LPP: variants seen among roughly 807,000 people sequenced by gnomAD.
LPP encodes lipoma-preferred partner.
Under a neutral mutation model 60.4 loss-of-function variants are expected in LPP, and 38 were observed. That is an observed-to-expected ratio of 0.63 (90% CI 0.49 to 0.83). The LOEUF (loss-of-function observed/expected upper bound fraction) is 0.83, where lower values mean the gene tolerates loss of function less well. Ranked by LOEUF, LPP falls within the 40% of genes least tolerant of loss-of-function variation. The pLI, the probability that LPP is intolerant of heterozygous loss-of-function variation, is 0.00. For synonymous variants in LPP, 328 were observed against 290.8 expected, an observed-to-expected ratio of 1.13 and a Z score of -1.30; for missense variants, 902 against 783.6, an observed-to-expected ratio of 1.15 and a Z score of -1.80.
At chr3:188,622,971 T>G (rs1013037788) in intron 7 of LPP, among the ~76,000 whole-genome samples, 7 of 145,176 alleles carry the variant, frequency 4.8e-5, no homozygotes, top group African/African-American at 1.8e-4. Flanking sequence ...GAGGCTGCAG[T>G]AAGCCCAGAT....
intron 3 of LPP, among the ~76,000 whole-genome samples, chr3:188,397,105 C>A (rs1313690318): frequency 6.6e-6 from 1 of 152,092 alleles, no homozygotes; most frequent in East Asian, 1.9e-4. Context: ...TACTTCTGTG[C>A]CCTATTCCAT....
At chr3:188,438,859 G>C (rs1793036280) in intron 4 of LPP, among the ~76,000 whole-genome samples, 1 of 151,984 alleles carries the variant, frequency 6.6e-6, no homozygotes, top group African/African-American at 2.4e-5. Flanking sequence ...GTACATAGCA[G>C]GTTCCCATTA....
intron 7 of LPP, among the ~76,000 whole-genome samples, chr3:188,678,289 C>G (rs1439998035): frequency 1.3e-5 from 2 of 152,234 alleles, no homozygotes; most frequent in Non-Finnish European, 2.9e-5. Context: ...AAGTCTTCTT[C>G]TGTTGCGGGA....
At chr3:188,394,795 T>C (rs1409975950) in intron 3 of LPP, among the ~76,000 whole-genome samples, 1 of 152,206 alleles carries the variant, frequency 6.6e-6, no homozygotes, top group Non-Finnish European at 1.5e-5. Flanking sequence ...TGTGTTGCCA[T>C]TGGTTAATGC....
At position 188,203,421 on chromosome 3, in the gene LPP, A is replaced by ATAAATATAAATATATATATATT. The variant is rs1560106883; in HGVS notation, c.-189-21982_-189-21981insAATATAAATATATATATATTTA. ...ATATATTTTTATAAATATATATATA[A>ATAAATATAAATATATATATATT]TATAAATATAAATATATATTTATAT... is the stretch of plus-strand genomic sequence containing the variant. On this transcript the variant is annotated intron_variant, in intron 1 of 11. Transcript: ENST00000617246. 9.1e-4 allele frequency among the ~76,000 whole-genome samples: 31 copies of ATAAATATAAATATATATATATT among 34,046 alleles called. No individual in the cohort carries two copies. The East Asian group carries it at 0.037, about 41-fold the overall frequency. 22.3% of individuals were successfully genotyped at this position (34,046 alleles called of 152,430 possible).
chr3:188,737,539 T>C (rs188740064), intron 8 of LPP, among the ~76,000 whole-genome samples: 2 of 152,186 alleles, frequency 1.3e-5, no homozygotes, highest in Non-Finnish European at 2.9e-5. Context: ...GGAAGAGAGC[T>C]AAGAAACTTC....
intron 2 of LPP, among the ~76,000 whole-genome samples, chr3:188,256,412 T>C (rs1280311216): frequency 6.6e-6 from 1 of 152,212 alleles, no homozygotes; most frequent in African/African-American, 2.4e-5. Context: ...GTTATAGAAC[T>C]AGATTATACA....
At chr3:188,740,540 A>G (rs1272266355) in intron 8 of LPP, among the ~76,000 whole-genome samples, 1 of 152,054 alleles carries the variant, frequency 6.6e-6, no homozygotes, top group Non-Finnish European at 1.5e-5. Context: ...ACATTCTTTT[A>G]TAAGAAGTGC....
At chr3:188,668,412 C>A (rs74373357) in intron 7 of LPP, among the ~76,000 whole-genome samples, 1 of 152,064 alleles carries the variant, frequency 6.6e-6, no homozygotes, top group Non-Finnish European at 1.5e-5. Flanking sequence ...AGTTCTAAAC[C>A]GCTCTCTGGA....
At chr3:188,810,995 A>G (rs986144494) in intron 9 of LPP, among the ~76,000 whole-genome samples, 1 of 152,160 alleles carries the variant, frequency 6.6e-6, no homozygotes, top group Admixed American at 6.5e-5. Context: ...TTTGGTGTAC[A>G]TATATAAAAT....
At chr3:188,794,395 A>G (rs1052439758) in intron 9 of LPP, among the ~76,000 whole-genome samples, 2 of 152,222 alleles carry the variant, frequency 1.3e-5, no homozygotes, top group African/African-American at 4.8e-5. Flanking sequence ...TCACCAGCAT[A>G]AAAGGTGAAT....
chr3:188,423,680 A>G (rs1339007477), intron 4 of LPP, among the ~76,000 whole-genome samples: 1 of 152,050 alleles, frequency 6.6e-6, no homozygotes, highest in Non-Finnish European at 1.5e-5. Context: ...TTTGATTTGC[A>G]TTGTTCTAAT....
At chr3:188,635,190 G>A (rs946821938) in intron 7 of LPP, among the ~76,000 whole-genome samples, 1 of 152,152 alleles carries the variant, frequency 6.6e-6, no homozygotes, top group Non-Finnish European at 1.5e-5. Context: ...TTAGGAGAAC[G>A]ATTAGATTTC....
At chr3:188,720,509 G>A (rs2149864057) in intron 8 of LPP, among the ~76,000 whole-genome samples, 1 of 151,790 alleles carries the variant, frequency 6.6e-6, no homozygotes, top group Non-Finnish European at 1.5e-5. Flanking sequence ...TCTTCCTGGT[G>A]TGTGAAGATG....
At chr3:188,389,715 G>A (rs926756169) in intron 3 of LPP, among the ~76,000 whole-genome samples, 10 of 140,510 alleles carry the variant, frequency 7.1e-5, no homozygotes, top group African/African-American at 2.7e-4. Context: ...GGCAGAGGTT[G>A]CAGTGAGCCA....
At chr3:188,343,430 A>G (rs1207153211) in intron 3 of LPP, among the ~76,000 whole-genome samples, 1 of 152,236 alleles carries the variant, frequency 6.6e-6, no homozygotes, top group East Asian at 1.9e-4. Context: ...TTTTACGGAT[A>G]AATATATCAG....
intron 4 of LPP, among the ~76,000 whole-genome samples, chr3:188,441,038 G>A (rs1246051346): frequency 2.6e-5 from 4 of 151,588 alleles, no homozygotes; most frequent in Non-Finnish European, 4.4e-5. Context: ...GTGTGTGTGT[G>A]TGTGTGTGCG....
intron 2 of LPP, among the ~76,000 whole-genome samples, chr3:188,246,772 C>T (rs528238213): frequency 6.6e-6 from 1 of 152,284 alleles, no homozygotes; most frequent in South Asian, 2.1e-4. Flanking sequence ...ACAATATTAT[C>T]CTTCCTAATT....
intron 5 of LPP, among the ~76,000 whole-genome samples, chr3:188,486,279 C>T (rs1448376381): frequency 2.6e-5 from 4 of 152,236 alleles, no homozygotes; most frequent in Non-Finnish European, 2.9e-5. Context: ...ATGATTCATT[C>T]GCTCAACAAA....
Sources: allele counts gnomAD v4.1 joint callset (sites outside exome capture counted in the v4.1 genomes callset), GRCh38; gene constraint gnomAD v4.1.1; transcripts MANE v1.5; gene names NCBI Gene and HGNC (gene_info 2026-07-23, HGNC 2026-07-21).